Variants in GCC2 observed in about 807,000 individuals in gnomAD.
GCC2 encodes the protein GRIP and coiled-coil domain-containing protein 2.
In GCC2, 120 loss-of-function variants were observed where a neutral mutation model predicts 210.6. The ratio of observed to expected loss-of-function variants is 0.57; its 90% CI spans 0.49 to 0.66. GCC2 has a LOEUF of 0.66. Ranked by LOEUF, GCC2 falls within the 30% of genes least tolerant of loss-of-function variation. The pLI is 0.00. For missense variants in GCC2, 1,868 were observed against 1,871.9 expected (o/e 1.00, Z 0.04); for synonymous variants, 703 against 652.7 (o/e 1.08, Z -1.17).
intron 4 of GCC2, among the ~76,000 whole-genome samples, chr2:108,456,967 A>G (rs943468346): frequency 4.9e-5 from 7 of 143,044 alleles, no homozygotes; most frequent in African/African-American, 1.8e-4. Flanking sequence ...AAAAAAAAAA[A>G]TTTAAGATGC....
chr2:108,497,569 C>G (rs956097823), intron 21 of GCC2, among the ~76,000 whole-genome samples: 1 of 152,166 alleles, frequency 6.6e-6, no homozygotes, highest in Non-Finnish European at 1.5e-5. Flanking sequence ...TCGTTGAATT[C>G]TAAAGATAAC....
chr2:108,464,772 G>A (rs2104434770), intron 4 of GCC2, among the ~76,000 whole-genome samples: 1 of 152,268 alleles, frequency 6.6e-6, no homozygotes. Context: ...GGAGACGGGA[G>A]GGATGGAGAC....
In GCC2 at chr2:108,469,723, GA is replaced by G; in HGVS notation, c.398del (p.Asn133IlefsTer2). ...ACATATAAACTATGTGAAAGAAATT[GA>G]AAATTTGAAAAATGAGTTGATGGCA... Reference protein sequence around the residue: ...QSHINYVKEIENLKNELMAVR... With the variant: ...QSHINYVKEIXNLKNELMAVR... On this transcript the variant is annotated frameshift_variant, in exon 6 of 23. Transcript: ENST00000309863. LOFTEE classifies it high-confidence loss of function. 6.2e-7 allele frequency: 1 copy of G among 1,612,652 alleles called. No homozygotes were observed. Among genetic ancestry groups the G allele is most frequent in the Non-Finnish European group, 8.5e-7 (1 of 1,179,050 alleles).
chr2:108,476,208 C>T (rs770908606), intron 9 of GCC2, among the ~76,000 whole-genome samples: 18 of 151,746 alleles, frequency 1.2e-4, no homozygotes, highest in South Asian at 2.1e-4. Flanking sequence ...TACAGGTGCG[C>T]GCCACCATGC....
intron 19 of GCC2, chr2:108,493,882 G>A (rs1267918338): frequency 2.0e-6 from 2 of 985,024 alleles, no homozygotes; most frequent in East Asian, 2.3e-4. Flanking sequence ...AGAAACCCAG[G>A]AAAAAGCTTC....
chr2:108,482,263 G>T lies in GCC2; in HGVS notation c.3181-24G>T, dbSNP rs557179607. 1.2e-5 allele frequency: 18 copies of T among 1,450,600 alleles called. No homozygotes were observed. In the Admixed American group the frequency reaches 1.3e-4, roughly 11 times the overall value. 89.9% of individuals were successfully genotyped at this position (1,450,600 alleles called of 1,614,324 possible). On this transcript the variant is annotated intron_variant, in intron 10 of 22. Transcript: ENST00000309863. ...TGTATATGTTTTTTGCATGTTTATA[G>T]TAATGAATCATTTGTCATTTCAGTG...
At chr2:108,454,374 A>C (rs1184776914) in intron 4 of GCC2, among the ~76,000 whole-genome samples, 1 of 152,200 alleles carries the variant, frequency 6.6e-6, no homozygotes, top group East Asian at 1.9e-4. Flanking sequence ...GAGTTATTAC[A>C]AGGGGTCTTT....
At chr2:108,449,754 G>C in intron 2 of GCC2, 65 bp downstream of exon 2, 1 of 1,339,190 alleles carries the variant, frequency 7.5e-7, no homozygotes, top group Non-Finnish European at 1.1e-6. Context: ...GGAAAACTTT[G>C]GCATGGGGAA....
chr2:108,470,845 G>A lies in GCC2; in HGVS notation c.1516G>A (p.Glu506Lys), dbSNP rs754082179. The change falls in exon 6 of 23, where the codon GAA (glutamate) becomes AAA (lysine). Residue 506 changes from glutamate (E) to lysine (K), a missense_variant. Physicochemically the swap from Glu to Lys is moderately conservative, Grantham distance 56 (BLOSUM62 1). This residue lies in a region of GCC2 where 1,847 missense variants were observed against 1,765.2 expected (regional missense o/e 1.05). Transcript: ENST00000309863. ...TGCTGGAAAAATAAGTCAAGAGTTC[G>A]AATCAATGAAGCAACAGCAAGCATC... is the stretch of plus-strand genomic sequence containing the variant. ...ESAGKISQEF[E>K]SMKQQQASDV... The A allele has an allele frequency of 2.2e-5, 36 of 1,613,600 alleles. No individual in the cohort carries two copies. Among genetic ancestry groups the A allele is most frequent in the East Asian group, 1.1e-4 (5 of 44,872 alleles).
intron 19 of GCC2, 41 bp from the exon 20 acceptor site, chr2:108,495,250 T>C (rs1286699734): frequency 3.0e-6 from 4 of 1,313,660 alleles, no homozygotes; most frequent in Non-Finnish European, 4.2e-6. Context: ...TCAATAGATT[T>C]TGAACAATCT....
At chr2:108,463,860 T>C (rs1558734432) in intron 4 of GCC2, among the ~76,000 whole-genome samples, 1 of 152,178 alleles carries the variant, frequency 6.6e-6, no homozygotes, top group African/African-American at 2.4e-5. Context: ...CCAGTCTCCA[T>C]ATCCACAGGT....
intron 22 of GCC2, among the ~76,000 whole-genome samples, chr2:108,500,565 T>C (rs1682870950): frequency 6.6e-6 from 1 of 152,216 alleles, no homozygotes; most frequent in Non-Finnish European, 1.5e-5. Flanking sequence ...TTGGTTTCCA[T>C]GTCAGATGGA....
At chr2:108,458,610 A>C (rs1280969698) in intron 4 of GCC2, among the ~76,000 whole-genome samples, 3 of 151,596 alleles carry the variant, frequency 2.0e-5, no homozygotes, top group Non-Finnish European at 4.4e-5. Flanking sequence ...ACTCATTATT[A>C]ATTTGTTCAG....
In GCC2 at chr2:108,485,827, A is replaced by T. The variant is rs199889762; in HGVS notation, c.3715-4A>T. On this transcript the variant is annotated splice_polypyrimidine_tract_variant and splice_region_variant and intron_variant, in intron 14 of 22. Transcript: ENST00000309863. ...AAAATTTAACCAAGATTCTCATTCT[A>T]TAGGAAACTGATCACTTAATACTTC... is the stretch of plus-strand genomic sequence containing the variant. 6.4e-7 allele frequency: 1 copy of T among 1,562,538 alleles called. No homozygotes were observed. The highest frequency in any genetic ancestry group is 2.3e-5 in the East Asian group (1 of 44,444).
Position 108,481,707 on chromosome 2 carries a change from T to G in GCC2, c.3071T>G (p.Leu1024Ter). ...QGAESYKNLL[L>*]EYEKQSEQLD... ...CTTCTTTTATTGAAGAATCTTTTAT[T>G]AGAATATGAAAAGCAGTCAGAGCAA... is the stretch of plus-strand genomic sequence containing the variant. Residue 1024 changes from leucine to a stop codon, truncating the protein, a stop_gained, in exon 10 of 23, where the codon TTA (leucine) becomes TGA (stop). Transcript: ENST00000309863. LOFTEE classifies it high-confidence loss of function. 9 of 1,588,236 alleles carry G rather than the reference T, an allele frequency of 5.7e-6. No homozygotes were observed. Among genetic ancestry groups the G allele is most frequent in the Non-Finnish European group, 7.7e-6 (9 of 1,170,698 alleles).
chr2:108,491,207 A>G (rs1367342280), intron 18 of GCC2, among the ~76,000 whole-genome samples: 1 of 152,240 alleles, frequency 6.6e-6, no homozygotes, highest in Non-Finnish European at 1.5e-5. Context: ...CAACTGAGAC[A>G]GAACAGTGAA....
chr2:108,465,331 T>A (rs1208106659), intron 4 of GCC2, among the ~76,000 whole-genome samples: 1 of 152,218 alleles, frequency 6.6e-6, no homozygotes, highest in African/African-American at 2.4e-5. Context: ...CTAACCTTGA[T>A]CTCAGAGTAT....
At chr2:108,449,515 C>G in intron 1 of GCC2, 118 bp from the exon 2 acceptor site, 1 of 1,255,296 alleles carries the variant, frequency 8.0e-7, no homozygotes, top group South Asian at 1.3e-5. Context: ...TTCTCTGTCT[C>G]ACGAGGCTTT....
In GCC2 at chr2:108,475,531, T is replaced by G. The variant is rs774265788; in HGVS notation, c.2861-4T>G. On this transcript the variant is annotated splice_region_variant and splice_polypyrimidine_tract_variant and intron_variant, in intron 7 of 22. Coordinates refer to ENST00000309863, the MANE Select transcript of GCC2 (RefSeq NM_181453.4). ...TATGTAATCCATTTATTTTCTATTT[T>G]TAGAAAATCTGGAAAAAGAATGCAA... 6 of 1,347,120 alleles carry G rather than the reference T, an allele frequency of 4.5e-6. No homozygotes were observed. Among genetic ancestry groups the G allele is most frequent in the Non-Finnish European group, 6.1e-6 (6 of 983,080 alleles). The allele number at this position is 1,347,120 out of a possible 1,614,324, so 83.4% of individuals were successfully genotyped here. A position where few individuals can be genotyped will look rare whatever the true frequency, so the allele number is the denominator to read the frequency against.
Sources: allele counts gnomAD v4.1 joint callset (sites outside exome capture counted in the v4.1 genomes callset), GRCh38; gene constraint gnomAD v4.1.1; regional missense constraint gnomAD v4.1.1; transcripts MANE v1.5; gene names NCBI Gene and HGNC (gene_info 2026-07-23, HGNC 2026-07-21).